The following SRPX variants were observed in gnomAD, a reference collection of about 807,000 sequenced individuals.
SRPX encodes the protein sushi repeat-containing protein SRPX.
Under a neutral mutation model 38.1 loss-of-function variants are expected in SRPX, and 24 were observed. That is an observed-to-expected ratio of 0.63 (90% CI 0.46 to 0.89). The LOEUF is 0.89. SRPX is among the 40% of genes least tolerant of loss of function. The pLI, the probability that SRPX is intolerant of heterozygous loss-of-function variation, is 0.00. For missense variants in SRPX, 416 were observed against 377.8 expected (o/e 1.10, Z -0.84); for synonymous variants, 184 against 153.8 (o/e 1.20, Z -1.45).
chrX:38,198,096 A>G (rs1346508835), intron 1 of SRPX, among the ~76,000 whole-genome samples: 2 of 112,626 alleles, frequency 1.8e-5, no homozygotes, highest in Non-Finnish European at 3.7e-5. Context: ...ACTCAGGATC[A>G]ACTTTTACGC....
In SRPX at chrX:38,220,802, G is replaced by A; in HGVS notation, c.-10C>T. 9.2e-7 allele frequency: 1 copy of A among 1,091,167 alleles called. No individual in the cohort carries two copies. The allele number at this position is 1,091,167 out of a possible 1,213,427, so 89.9% of individuals were successfully genotyped here. On this transcript the variant is annotated 5_prime_UTR_variant, in exon 1 of 10. Coordinates refer to ENST00000378533, the MANE Select transcript of SRPX (RefSeq NM_006307.5). ...GTGCGGGGCTCCCCATGGCGAGCGG[G>A]CGCTTAGCTCGCCTCGGCAGCGCAG...
chrX:38,178,211 C>A (rs970939953), intron 2 of SRPX, 74 bp downstream of exon 2: 20 of 817,736 alleles, frequency 2.4e-5, no homozygotes, highest in African/African-American at 2.0e-4. Flanking sequence ...TTATTACAAT[C>A]TGTTTCACAA....
intron 9 of SRPX, among the ~76,000 whole-genome samples, chrX:38,151,677 G>A (rs766254059): frequency 1.8e-5 from 2 of 111,162 alleles, no homozygotes; most frequent in South Asian, 7.7e-4. Context: ...ATCCCACTAG[G>A]GCCGAAAGAC....
intron 1 of SRPX, among the ~76,000 whole-genome samples, chrX:38,217,859 C>A (rs1939444631): frequency 8.9e-6 from 1 of 112,062 alleles, no homozygotes; most frequent in African/African-American, 3.2e-5. Context: ...TGAGTAGTAA[C>A]TAACAAACAA....
intron 1 of SRPX, among the ~76,000 whole-genome samples, chrX:38,203,338 G>A (rs990582406): frequency 8.9e-6 from 1 of 112,175 alleles, no homozygotes; most frequent in Non-Finnish European, 1.9e-5. Flanking sequence ...TATACTTTAC[G>A]ATGAAAGACT....
chrX:38,152,094 C>T (rs1938028342), intron 9 of SRPX, among the ~76,000 whole-genome samples: 1 of 111,615 alleles, frequency 9.0e-6, no homozygotes, highest in African/African-American at 3.3e-5. Flanking sequence ...ATTATGCAGG[C>T]ATTATGCTTT....
intron 4 of SRPX, 128 bp downstream of exon 4, chrX:38,171,753 A>T: frequency 1.6e-6 from 1 of 627,010 alleles, no homozygotes; most frequent in Non-Finnish European, 2.4e-6. Context: ...CAGTGATGCT[A>T]CTGAGAGCAA....
At chrX:38,201,643 C>A (rs987139787) in intron 1 of SRPX, among the ~76,000 whole-genome samples, 1 of 110,992 alleles carries the variant, frequency 9.0e-6, no homozygotes, top group African/African-American at 3.3e-5. Flanking sequence ...CACGGTGAAA[C>A]CCCGTCTCTA....
Position 38,171,916 on chromosome X carries a change from T to C in SRPX, c.491A>G (p.Asn164Ser). ...GGCTGGCCGGCCGCTCCAGGCCTTG[T>C]TGTCCATACATGTGACGGTCCGCTC... ...KGERTVTCMD[N>S]KAWSGRPASC... is the part of the protein sequence containing the mutation. The change falls in exon 4 of 10, where the codon AAC (asparagine) becomes AGC (serine). Residue 164 changes from asparagine (N) to serine (S), a missense_variant. Coordinates refer to ENST00000378533, the MANE Select transcript of SRPX (RefSeq NM_006307.5). The C allele has an allele frequency of 8.3e-7, 1 of 1,211,938 alleles. No individual in the cohort carries two copies. The highest frequency in any genetic ancestry group is 1.1e-6 in the Non-Finnish European group (1 of 895,542).
In SRPX at chrX:38,178,346, T is replaced by C; in HGVS notation, c.98-2A>G. ...CTTCTAGTGGTGAGTCTCCCGATCC[T>C]ACAATAAAAAAGAACAGAAACTGCA... On this transcript the variant is annotated splice_acceptor_variant, in intron 1 of 9. Transcript: ENST00000378533. LOFTEE classifies it high-confidence loss of function. 2.5e-6 allele frequency: 3 copies of C among 1,207,127 alleles called. No individual in the cohort carries two copies. The highest frequency in any genetic ancestry group is 3.4e-6 in the Non-Finnish European group (3 of 892,120).
chrX:38,191,775 G>A (rs774959724), intron 1 of SRPX, among the ~76,000 whole-genome samples: 1 of 111,816 alleles, frequency 8.9e-6, no homozygotes, highest in Non-Finnish European at 1.9e-5. Flanking sequence ...GTTTTGGATT[G>A]TGATATAAAA....
intron 1 of SRPX, among the ~76,000 whole-genome samples, chrX:38,213,811 C>T (rs1460340982): frequency 8.9e-6 from 1 of 111,781 alleles, no homozygotes; most frequent in Admixed American, 9.5e-5. Flanking sequence ...ATGGCCAGAG[C>T]AGGAGCGAGA....
chrX:38,154,472 G>T lies in SRPX; in HGVS notation c.1201C>A (p.Leu401Met). The stretch of plus-strand genomic sequence containing the variant: ...AGAACTTCCCCCTACCTGAGCTGCA[G>T]CGCTAGGGCTGGAGGCATAATCTTT... The part of the protein sequence containing the change: ...GAKIMPPALA[L>M]QLRLLLRIPL... The change falls in exon 9 of 10, where the codon CTG becomes ATG. Residue 401 changes from leucine to methionine, a missense_variant. Leu to Met is a conservative substitution (Grantham distance 15). Transcript: ENST00000378533. 8.3e-7 allele frequency: 1 copy of T among 1,204,544 alleles called. No individual in the cohort carries two copies. Among genetic ancestry groups the T allele is most frequent in the East Asian group, 3.0e-5 (1 of 33,633 alleles).
At chrX:38,157,076 T>C (rs752959583) in intron 7 of SRPX, 47 bp from the exon 8 acceptor site, 21 of 1,192,611 alleles carry the variant, frequency 1.8e-5, no homozygotes, top group Non-Finnish European at 2.4e-5. Context: ...CCACTTGTTC[T>C]GGCTCAACAG....
chrX:38,189,017 T>C (rs1363672620), intron 1 of SRPX, among the ~76,000 whole-genome samples: 1 of 111,642 alleles, frequency 9.0e-6, no homozygotes, highest in Non-Finnish European at 1.9e-5. Flanking sequence ...TCTGATTTGT[T>C]CAGGGCATAG....
At position 38,149,738 on chromosome X, in the gene SRPX, G is replaced by A. The variant is rs1293553091; in HGVS notation, c.1368C>T (p.Ala456=). Residue 456 remains alanine, a synonymous_variant, in exon 10 of 10, where the codon GCC becomes GCT. Transcript: ENST00000378533. ...PLRKEEMVLQ[A]EMSQTCNT is the part of the protein sequence containing the mutation. ...AGGTGTTACAGGTCTGGCTCATTTC[G>A]GCTTGTAGGACCATCTCTTCTTTTC... 8 of 1,208,900 alleles carry A rather than the reference G, an allele frequency of 6.6e-6. No homozygotes were observed. The highest frequency in any genetic ancestry group is 1.8e-5 in the African/African-American group (1 of 57,072).
rs747936791 is a variant in SRPX at position 38,149,832 on chromosome X, TCC to T, written c.1272_1273del (p.Met424IlefsTer19). The T allele has an allele frequency of 3.3e-6, 4 of 1,209,314 alleles. No individual in the cohort carries two copies. Among genetic ancestry groups the T allele is most frequent in the Non-Finnish European group, 4.5e-6 (4 of 895,043 alleles). On this transcript the variant is annotated frameshift_variant, in exon 10 of 10. Transcript: ENST00000378533. LOFTEE classifies it high-confidence loss of function. ...CACCAGGGAGACATAGCGCTCTTTG[TCC>T]ATGCCATGCTTATCCACTAGCACCA...
At chrX:38,180,538 T>G (rs750842311) in intron 1 of SRPX, among the ~76,000 whole-genome samples, 3 of 112,180 alleles carry the variant, frequency 2.7e-5, no homozygotes, top group Non-Finnish European at 5.6e-5. Flanking sequence ...GCTAGAATCT[T>G]CAACTGTTGT....
intron 1 of SRPX, among the ~76,000 whole-genome samples, chrX:38,213,873 T>G (rs889000392): frequency 6.8e-4 from 76 of 111,474 alleles, no homozygotes; most frequent in African/African-American, 2.4e-3. Context: ...TTATGGTAAC[T>G]TACTATTGCA....
Sources: allele counts gnomAD v4.1 joint callset (sites outside exome capture counted in the v4.1 genomes callset), GRCh38; gene constraint gnomAD v4.1.1; transcripts MANE v1.5; gene names NCBI Gene and HGNC (gene_info 2026-07-23, HGNC 2026-07-21).